CLEC16A: variants seen among roughly 807,000 people sequenced by gnomAD.
CLEC16A encodes C-type lectin domain containing 16A.
In CLEC16A, 51 loss-of-function variants were observed where a neutral mutation model predicts 109.5. The ratio of observed to expected loss-of-function variants is 0.47; its 90% CI spans 0.37 to 0.59. The LOEUF (loss-of-function observed/expected upper bound fraction) is 0.59. Among genes scored for constraint, CLEC16A ranks in the 20% least tolerant of loss-of-function variants. The pLI is 0.00. For synonymous variants in CLEC16A, 673 were observed against 564.2 expected (o/e 1.19, Z -2.73); for missense variants, 1,339 against 1,394.0 (o/e 0.96, Z 0.63).
At chr16:10,992,116 G>A (rs894565435) in intron 10 of CLEC16A, among the ~76,000 whole-genome samples, 7 of 152,102 alleles carry the variant, frequency 4.6e-5, no homozygotes, top group African/African-American at 1.4e-4. Context: ...AGATACGCAC[G>A]GGGACAAATT....
intron 9 of CLEC16A, 28 bp downstream of exon 9, chr16:10,979,410 C>T (rs747914005): frequency 1.2e-6 from 2 of 1,607,260 alleles, no homozygotes; most frequent in East Asian, 2.2e-5. Context: ...CCAATGTCCC[C>T]ACTACATTTG....
chr16:11,160,426 A>G (rs930312157), intron 22 of CLEC16A, among the ~76,000 whole-genome samples: 7 of 152,126 alleles, frequency 4.6e-5, no homozygotes, highest in Non-Finnish European at 7.4e-5. Context: ...TTCTACCCAA[A>G]AAGTCCACTT....
intron 10 of CLEC16A, among the ~76,000 whole-genome samples, chr16:10,994,004 C>T (rs146246378): frequency 1.3e-5 from 2 of 152,218 alleles, no homozygotes; most frequent in South Asian, 2.1e-4. Flanking sequence ...ACCATCTTGA[C>T]GTTACCTGCT....
intron 19 of CLEC16A, among the ~76,000 whole-genome samples, chr16:11,069,397 G>T (rs2048937166): frequency 6.6e-6 from 1 of 150,676 alleles, no homozygotes. Flanking sequence ...CCAAAGTATT[G>T]GGATTATAGG....
intron 22 of CLEC16A, among the ~76,000 whole-genome samples, chr16:11,152,224 G>A (rs1234916713): frequency 2.0e-5 from 3 of 152,286 alleles, no homozygotes; most frequent in South Asian, 2.1e-4. Flanking sequence ...GCCTTAGGCC[G>A]GTCATCTGGG....
chr16:10,946,522 G>C (rs1358059965), intron 1 of CLEC16A, among the ~76,000 whole-genome samples: 1 of 152,062 alleles, frequency 6.6e-6, no homozygotes, highest in Non-Finnish European at 1.5e-5. Flanking sequence ...GGGGATCTTA[G>C]ATGGGAGGGC....
intron 22 of CLEC16A, among the ~76,000 whole-genome samples, chr16:11,156,059 G>A (rs895502235): frequency 1.3e-5 from 2 of 152,138 alleles, no homozygotes; most frequent in African/African-American, 4.8e-5. Flanking sequence ...GAGACTTGCT[G>A]GGGAAGAATC....
chr16:11,024,954 T>C (rs1321203299), intron 13 of CLEC16A, 33 bp downstream of exon 13: 3 of 1,466,714 alleles, frequency 2.0e-6, no homozygotes. Context: ...ACTTCCTTGC[T>C]GGGCCCTGCA....
At chr16:11,173,331 A>G (rs922338122) in intron 23 of CLEC16A, among the ~76,000 whole-genome samples, 7 of 152,194 alleles carry the variant, frequency 4.6e-5, no homozygotes, top group East Asian at 3.9e-4. Flanking sequence ...GTAGTGCTCT[A>G]TGGCGTCACA....
chr16:11,057,342 G>A lies in CLEC16A; in HGVS notation c.1996-3560G>A, dbSNP rs373000315. 7.9e-5 allele frequency among the ~76,000 whole-genome samples: 12 copies of A among 152,344 alleles called. No homozygotes were observed. The South Asian group carries it at 1.0e-3, about 13-fold the overall frequency. On this transcript the variant is annotated intron_variant, in intron 18 of 23. Transcript: ENST00000409790. ...CCGAGCCTTTGTTCCAGGCCAGCTC[G>A]TGGGCTCAGCACATCACCGGTGCCA...
chr16:11,076,432 G>T (rs1209513744), intron 19 of CLEC16A, among the ~76,000 whole-genome samples: 2 of 152,112 alleles, frequency 1.3e-5, no homozygotes, highest in Admixed American at 6.6e-5. Context: ...TGGGGTTGAG[G>T]ATTAACGTTG....
At chr16:11,014,645 T>C (rs112465016) in intron 11 of CLEC16A, among the ~76,000 whole-genome samples, 99 of 152,280 alleles carry the variant, frequency 6.5e-4, no homozygotes, top group African/African-American at 2.2e-3. Flanking sequence ...AAACTCCAAA[T>C]AGTATCATAA....
intron 19 of CLEC16A, among the ~76,000 whole-genome samples, chr16:11,105,341 G>A (rs1396523700): frequency 6.6e-6 from 1 of 152,188 alleles, no homozygotes; most frequent in Non-Finnish European, 1.5e-5. Context: ...TGCACGTATT[G>A]AAGAAGAGGA....
chr16:10,977,462 C>T lies in CLEC16A; in HGVS notation c.903+63C>T. 2.0e-6 allele frequency: 3 copies of T among 1,464,774 alleles called. No homozygotes were observed. In the South Asian group the frequency reaches 3.7e-5, roughly 18 times the overall value. The allele number at this position is 1,464,774 out of a possible 1,614,324, so 90.7% of individuals were successfully genotyped here. On this transcript the variant is annotated intron_variant, in intron 8 of 23. Transcript: ENST00000409790. ...ATCAGAAGTGGGGAAGAACAGTCCC[C>T]AGTCCCCTGGAATGGGGCTGAGCAT... is the stretch of plus-strand genomic sequence containing the variant.
In CLEC16A at chr16:11,094,602, C is replaced by T. The variant is rs748504167; in HGVS notation, c.2117-26013C>T. 2.0e-5 allele frequency among the ~76,000 whole-genome samples: 3 copies of T among 152,208 alleles called. No homozygotes were observed. In the South Asian group the frequency reaches 6.2e-4, roughly 31 times the overall value. On this transcript the variant is annotated intron_variant, in intron 19 of 23. Transcript: ENST00000409790. ...GGCAAGCTCCTTTCTTAAGAACTGA[C>T]CTTGTGTGTCTCTTTTTGCATCTGA...
chr16:11,143,060 C>G (rs1449166658), intron 22 of CLEC16A, among the ~76,000 whole-genome samples: 1 of 152,218 alleles, frequency 6.6e-6, no homozygotes, highest in African/African-American at 2.4e-5. Flanking sequence ...ATCCACCCGG[C>G]CTTGGCCTCC....
chr16:11,136,919 A>C (rs1490993251), intron 22 of CLEC16A, among the ~76,000 whole-genome samples: 1 of 152,174 alleles, frequency 6.6e-6, no homozygotes, highest in Non-Finnish European at 1.5e-5. Flanking sequence ...GCCCAGTGTT[A>C]CCAGCTCACA....
chr16:11,033,870 T>G (rs2046880719), intron 13 of CLEC16A, among the ~76,000 whole-genome samples: 1 of 152,250 alleles, frequency 6.6e-6, no homozygotes, highest in Non-Finnish European at 1.5e-5. Context: ...CTGGTTTGTT[T>G]CTGTAATAGA....
intron 13 of CLEC16A, among the ~76,000 whole-genome samples, chr16:11,029,520 C>T (rs2046616743): frequency 1.3e-5 from 2 of 148,708 alleles, no homozygotes; most frequent in Admixed American, 1.3e-4. Context: ...TTGCTGAGGC[C>T]CGGATACTCT....
Sources: gnomAD v4.1 joint callset for allele counts (sites outside exome capture counted in the v4.1 genomes callset) on GRCh38, gnomAD v4.1.1 for gene constraint, MANE v1.5 for transcripts, NCBI Gene and HGNC (gene_info 2026-07-23, HGNC 2026-07-21) for gene names.